Variants in CYP27C1 observed in about 807,000 individuals in gnomAD.
The protein encoded by CYP27C1 is cytochrome P450 family 27 subfamily C member 1.
Under a neutral mutation model 40.6 loss-of-function variants are expected in CYP27C1, and 29 were observed. The observed-to-expected ratio is 0.71, with a 90% confidence interval of 0.53 to 0.97. CYP27C1 has a LOEUF of 0.97. Among genes scored for constraint, CYP27C1 ranks in the 50% least tolerant of loss-of-function variants. The pLI, the probability that CYP27C1 is intolerant of heterozygous loss-of-function variation, is 0.00. For missense variants in CYP27C1, 390 were observed against 485.8 expected (o/e 0.80, Z 1.85); for synonymous variants, 198 against 186.8 (o/e 1.06, Z -0.49).
intron 3 of CYP27C1, among the ~76,000 whole-genome samples, chr2:127,202,208 T>A (rs1474705569): frequency 6.6e-6 from 1 of 151,546 alleles, no homozygotes; most frequent in African/African-American, 2.4e-5. Context: ...CACTGCAACC[T>A]CCGCCTCTCT....
chr2:127,205,852 C>A (rs1683215222), intron 2 of CYP27C1, 48 bp downstream of exon 2: 2 of 577,668 alleles, frequency 3.5e-6, no homozygotes, highest in Non-Finnish European at 4.4e-6. Flanking sequence ...GGGCCTCCCC[C>A]TGAGCTCCCC....
At chr2:127,199,639 G>T in intron 4 of CYP27C1, 100 bp from the exon 5 acceptor site, 1 of 1,306,232 alleles carries the variant, frequency 7.7e-7, no homozygotes. Flanking sequence ...CTAAACCAGT[G>T]GCAGGTGACA....
intron 8 of CYP27C1, among the ~76,000 whole-genome samples, chr2:127,188,610 G>C (rs1287110272): frequency 1.3e-5 from 2 of 150,984 alleles, no homozygotes; most frequent in Non-Finnish European, 2.9e-5. Context: ...TGGTAATAGT[G>C]AATAGTAATG....
chr2:127,197,589 C>T (rs1682933192), intron 5 of CYP27C1, among the ~76,000 whole-genome samples: 1 of 152,152 alleles, frequency 6.6e-6, no homozygotes, highest in Non-Finnish European at 1.5e-5. Flanking sequence ...GCGTGCAATG[C>T]TTTGGAAACA....
chr2:127,203,515 G>T lies in CYP27C1; in HGVS notation c.530C>A (p.Pro177Gln), dbSNP rs756969686. Residue 177 changes from proline (P) to glutamine (Q), a missense_variant, in exon 3 of 9, where the codon CCG becomes CAG. By Grantham distance (76) the Pro-to-Gln change is moderately conservative (BLOSUM62 -1). Transcript: ENST00000664447. ...TCCAGAATAAATGGCCACATCTTTC[G>T]GTTTCAGAATTCTTTGTCTCAATAC... ...RSVLRQRILK[P>Q]KDVAIYSGEV... The T allele has an allele frequency of 6.2e-7, 1 of 1,613,822 alleles. No homozygotes were observed. Among genetic ancestry groups the T allele is most frequent in the Non-Finnish European group, 8.5e-7 (1 of 1,179,966 alleles).
Position 127,195,537 on chromosome 2 carries a change from G to A in CYP27C1, c.1048-36C>T. ...AAAGTGGCAGACACAGGCAGGCAGT[G>A]AGTAACACCAGGGACTGAAACAGAG... is the stretch of plus-strand genomic sequence containing the variant. On this transcript the variant is annotated intron_variant, in intron 5 of 8. Coordinates refer to ENST00000664447, the MANE Select transcript of CYP27C1 (RefSeq NM_001367502.1). The surrounding 1 kb of genome is among the most constrained non-coding windows in gnomAD (Gnocchi z 6.2). 3 of 1,609,014 alleles carry A rather than the reference G, an allele frequency of 1.9e-6. No individual in the cohort carries two copies. Among genetic ancestry groups the A allele is most frequent in the Middle Eastern group, 3.4e-4 (2 of 5,856 alleles).
intron 1 of CYP27C1, among the ~76,000 whole-genome samples, chr2:127,216,923 C>T (rs1016947558): frequency 6.6e-6 from 1 of 152,146 alleles, no homozygotes; most frequent in Admixed American, 6.5e-5. Flanking sequence ...ATACTCACTC[C>T]TTCTGGAGAC....
intron 5 of CYP27C1, among the ~76,000 whole-genome samples, 188 bp downstream of exon 5, chr2:127,199,188 G>A (rs1320836001): frequency 2.0e-5 from 3 of 152,326 alleles, no homozygotes; most frequent in East Asian, 1.9e-4. Flanking sequence ...TCTGGAGGCT[G>A]AGGCAAGAGA....
At chr2:127,194,570 C>T (rs1682859499) in intron 6 of CYP27C1, among the ~76,000 whole-genome samples, 1 of 152,150 alleles carries the variant, frequency 6.6e-6, no homozygotes, top group Non-Finnish European at 1.5e-5. Context: ...TTCTGTTTGT[C>T]AGGAAAGCCC....
rs1420700254 is a variant in CYP27C1 at position 127,196,085 on chromosome 2, C to T, written c.1048-584G>A. On this transcript the variant is annotated intron_variant, in intron 5 of 8. Coordinates refer to ENST00000664447, the MANE Select transcript of CYP27C1 (RefSeq NM_001367502.1). This position sits in a 1 kb window ranked among gnomAD's most constrained non-coding sequence, Gnocchi z 4.5. ...AGTGTCTTTTTTTTTTTTTTTGAGA[C>T]GGAGTCTCGCTCTGTCGCCCAGGCT... is the stretch of plus-strand genomic sequence containing the variant. Among the ~76,000 whole-genome samples, 25 of 149,312 alleles carry T rather than the reference C, an allele frequency of 1.7e-4. No homozygotes were observed. The highest frequency in any genetic ancestry group is 1.3e-3 in the Admixed American group (20 of 14,996).
At chr2:127,189,122 G>A (rs997878203) in intron 8 of CYP27C1, among the ~76,000 whole-genome samples, 2 of 151,754 alleles carry the variant, frequency 1.3e-5, no homozygotes, top group Admixed American at 1.3e-4. Flanking sequence ...TGGTTTGTTT[G>A]TTGAAAAAAT....
chr2:127,188,685 A>G (rs1286427914), intron 8 of CYP27C1, among the ~76,000 whole-genome samples: 1 of 145,424 alleles, frequency 6.9e-6, no homozygotes, highest in Non-Finnish European at 1.5e-5. Flanking sequence ...TCTCATTTCT[A>G]TAGTTCAAAA....
rs1296678532 is a variant in CYP27C1 at position 127,220,296 on chromosome 2, G to T, written c.-26C>A. 2.0e-5 allele frequency among the ~76,000 whole-genome samples: 3 copies of T among 151,650 alleles called. No individual in the cohort carries two copies. The highest frequency in any genetic ancestry group is 4.4e-5 in the Non-Finnish European group (3 of 67,622). Reference sequence around the variant, plus strand: ...GGCGCTCGTCTGCATCGGCTTGTTTGTCTGAGCAACTTTGTTTCGGGGGCT... The same window carrying T: ...GGCGCTCGTCTGCATCGGCTTGTTTTTCTGAGCAACTTTGTTTCGGGGGCT... On this transcript the variant is annotated 5_prime_UTR_variant, in exon 1 of 9. Transcript: ENST00000664447. This position sits in a 1 kb window ranked among gnomAD's most constrained non-coding sequence, Gnocchi z 4.6.
At chr2:127,187,428 G>A in intron 8 of CYP27C1, 41 bp from the exon 9 acceptor site, 1 of 1,553,006 alleles carries the variant, frequency 6.4e-7, no homozygotes. Flanking sequence ...AATTGGAACA[G>A]CAGAAAATTC....
rs1385934395 is a variant in CYP27C1, at chr2:127,196,093, C to T, written c.1048-592G>A. Among the ~76,000 whole-genome samples, 2 of 151,538 alleles carry T rather than the reference C, an allele frequency of 1.3e-5. No individual in the cohort carries two copies. The highest frequency in any genetic ancestry group is 2.4e-5 in the African/African-American group (1 of 41,216). Reference sequence around the variant, plus strand: ...TTTTTTTTTTTTTGAGACGGAGTCTCGCTCTGTCGCCCAGGCTGGAATGCA... The same window carrying T: ...TTTTTTTTTTTTTGAGACGGAGTCTTGCTCTGTCGCCCAGGCTGGAATGCA... On this transcript the variant is annotated intron_variant, in intron 5 of 8. Transcript: ENST00000664447. The surrounding 1 kb of genome is among the most constrained non-coding windows in gnomAD (Gnocchi z 4.5).
At chr2:127,216,856 C>T (rs998383570) in intron 1 of CYP27C1, among the ~76,000 whole-genome samples, 1 of 152,196 alleles carries the variant, frequency 6.6e-6, no homozygotes, top group Non-Finnish European at 1.5e-5. Flanking sequence ...TTTCTCACCA[C>T]TCCAGCTCTC....
rs1295079611 is a variant in CYP27C1 at position 127,204,525 on chromosome 2, GAA to G, written c.474-956_474-955del. 1.5e-3 allele frequency among the ~76,000 whole-genome samples: 56 copies of G among 36,628 alleles called. 2 individuals carry two copies. Among genetic ancestry groups the G allele is most frequent in the East Asian group, 7.9e-3 (4 of 504 alleles). The allele number at this position is 36,628 out of a possible 152,430, so 24.0% of individuals were successfully genotyped here. A position where few individuals can be genotyped will look rare whatever the true frequency, so the allele number is the denominator to read the frequency against. On this transcript the variant is annotated intron_variant, in intron 2 of 8. Coordinates refer to ENST00000664447, the MANE Select transcript of CYP27C1 (RefSeq NM_001367502.1). ...GGAAGGAAAGAAAGAAGGAAAGAAA[GAA>G]AGAAAGAAAGAGAGAGAGAGAGAGA... is the stretch of plus-strand genomic sequence containing the variant.
chr2:127,204,320 A>AG (rs1683110743), intron 2 of CYP27C1, among the ~76,000 whole-genome samples: 13 of 41,968 alleles, frequency 3.1e-4, no homozygotes, highest in African/African-American at 7.4e-4. Flanking sequence ...GAAGGAAGGA[A>AG]GGAGGGAGGG....
intron 2 of CYP27C1, among the ~76,000 whole-genome samples, chr2:127,204,631 T>TG (rs1683185037): frequency 7.6e-6 from 1 of 131,792 alleles, no homozygotes; most frequent in African/African-American, 3.0e-5. Context: ...GAAAGAAGAC[T>TG]GCAGCTTGTT....
Sources: allele counts gnomAD v4.1 joint callset (sites outside exome capture counted in the v4.1 genomes callset), GRCh38; gene constraint gnomAD v4.1.1; non-coding constraint Gnocchi (gnomAD v3.1); transcripts MANE v1.5; gene names NCBI Gene and HGNC (gene_info 2026-07-23, HGNC 2026-07-21).